The following ASTN2 variants were observed in gnomAD, a reference collection of about 807,000 sequenced individuals.
ASTN2 encodes astrotactin-2.
In ASTN2, 54 loss-of-function variants were observed where a neutral mutation model predicts 139.8. The observed-to-expected ratio is 0.39, with a 90% confidence interval of 0.31 to 0.48. ASTN2 has a LOEUF of 0.48. Among genes scored for constraint, ASTN2 ranks in the 20% least tolerant of loss-of-function variants. ASTN2 has a pLI of 0.95. For synonymous variants in ASTN2, 756 were observed against 719.5 expected (o/e 1.05, Z -0.81); for missense variants, 1,565 against 1,725.1 (o/e 0.91, Z 1.64).
At chr9:116,735,613 A>T (rs1401954557) in intron 13 of ASTN2, among the ~76,000 whole-genome samples, 1 of 152,186 alleles carries the variant, frequency 6.6e-6, no homozygotes, top group African/African-American at 2.4e-5. Flanking sequence ...CCTAGTGGGG[A>T]AAACACAAAA....
intron 4 of ASTN2, among the ~76,000 whole-genome samples, chr9:117,123,230 A>T (rs1378175522): frequency 6.6e-6 from 1 of 151,874 alleles, no homozygotes; most frequent in Non-Finnish European, 1.5e-5. Context: ...TCTGAGAATC[A>T]CTGTCCCAGA....
intron 16 of ASTN2, among the ~76,000 whole-genome samples, chr9:116,670,570 T>C (rs760682761): frequency 9.2e-5 from 14 of 152,202 alleles, no homozygotes; most frequent in African/African-American, 2.6e-4. Flanking sequence ...AGGGGTTGGG[T>C]AAAGGAGACT....
At chr9:116,512,250 T>A (rs576882279) in intron 19 of ASTN2, among the ~76,000 whole-genome samples, 75 of 152,370 alleles carry the variant, frequency 4.9e-4, no homozygotes, top group Non-Finnish European at 4.9e-4. Flanking sequence ...TGCCTTCATT[T>A]CGTTATGTAC....
intron 16 of ASTN2, among the ~76,000 whole-genome samples, chr9:116,701,811 T>C (rs1420570952): frequency 1.3e-5 from 2 of 152,278 alleles, no homozygotes; most frequent in African/African-American, 4.8e-5. Context: ...TTTAATTATC[T>C]GCTGTGTTGA....
chr9:117,178,316 C>T (rs571193208), intron 3 of ASTN2, among the ~76,000 whole-genome samples: 80 of 152,296 alleles, frequency 5.3e-4, no homozygotes, highest in African/African-American at 1.9e-3. Context: ...ACCTGAAAGG[C>T]ACCCAGCAGA....
rs935534005 is a variant in ASTN2 at position 117,275,048 on chromosome 9, A to G, written c.630+16278T>C. ...AAATGAGTATATTCTTACACATTTC[A>G]TCTGTGAATAATCATTAACCACCAA... On this transcript the variant is annotated intron_variant, in intron 2 of 22. Transcript: ENST00000313400. Among the ~76,000 whole-genome samples, 4 of 152,220 alleles carry G rather than the reference A, an allele frequency of 2.6e-5. 1 individual carries two copies. In the South Asian group the frequency reaches 6.2e-4, roughly 24 times the overall value.
At chr9:116,950,756 G>T (rs1835534374) in intron 10 of ASTN2, among the ~76,000 whole-genome samples, 1 of 152,060 alleles carries the variant, frequency 6.6e-6, no homozygotes, top group South Asian at 2.1e-4. Flanking sequence ...GGAAAATTAG[G>T]TTACTAATAT....
At chr9:116,608,608 G>T (rs56961479) in intron 19 of ASTN2, among the ~76,000 whole-genome samples, 22,138 of 149,860 alleles carry the variant, frequency 0.15, 1,806 homozygotes, top group Middle Eastern at 0.19. Context: ...TTGAACAAAA[G>T]AGTTTGAACA....
intron 2 of ASTN2, among the ~76,000 whole-genome samples, chr9:117,216,230 G>T (rs1294126468): frequency 6.6e-6 from 1 of 152,196 alleles, no homozygotes; most frequent in Non-Finnish European, 1.5e-5. Context: ...CAGCCATCCT[G>T]CTGACTGTAT....
At chr9:117,007,786 C>G (rs1294186346) in intron 7 of ASTN2, among the ~76,000 whole-genome samples, 5 of 151,968 alleles carry the variant, frequency 3.3e-5, no homozygotes, top group Admixed American at 6.6e-5. Flanking sequence ...GATCACCCAG[C>G]TAGTACCAAG....
At chr9:117,317,182 C>A (rs1211302882) in intron 1 of ASTN2, among the ~76,000 whole-genome samples, 1 of 152,094 alleles carries the variant, frequency 6.6e-6, no homozygotes, top group Non-Finnish European at 1.5e-5. Flanking sequence ...TCCCATTTTC[C>A]TCAGGAGGCT....
chr9:117,063,526 C>G (rs1178541044), intron 5 of ASTN2, among the ~76,000 whole-genome samples: 1 of 152,210 alleles, frequency 6.6e-6, no homozygotes, highest in Non-Finnish European at 1.5e-5. Flanking sequence ...TCCACCATGA[C>G]TGTGAGGCCT....
intron 6 of ASTN2, among the ~76,000 whole-genome samples, chr9:117,009,090 C>T (rs575735147): frequency 2.0e-5 from 3 of 152,178 alleles, no homozygotes; most frequent in African/African-American, 7.2e-5. Context: ...TAAAATGGAG[C>T]AGCTATGACT....
At chr9:116,687,006 T>G in intron 16 of ASTN2, 1 of 1,411,008 alleles carries the variant, frequency 7.1e-7, no homozygotes, top group Non-Finnish European at 9.2e-7. Context: ...TACCGTTTTG[T>G]GAAGGGGTAG....
intron 2 of ASTN2, among the ~76,000 whole-genome samples, chr9:117,218,695 A>G (rs961888446): frequency 2.0e-5 from 3 of 152,212 alleles, no homozygotes; most frequent in Non-Finnish European, 4.4e-5. Context: ...GCTTGCTCCT[A>G]TGGACCTTCA....
At chr9:116,790,154 G>A (rs1830492511) in intron 13 of ASTN2, among the ~76,000 whole-genome samples, 1 of 151,982 alleles carries the variant, frequency 6.6e-6, no homozygotes, top group Non-Finnish European at 1.5e-5. Flanking sequence ...TTGAACTCCT[G>A]ACCTCAGATG....
chr9:116,632,190 G>GAGAGAGAGAGAA (rs1856802935), intron 17 of ASTN2, among the ~76,000 whole-genome samples: 2 of 12,460 alleles, frequency 1.6e-4, no homozygotes, highest in Non-Finnish European at 3.1e-4. Flanking sequence ...GAGAGGGAGA[G>GAGAGAGAGAGAA]AGAGAGAAAG....
intron 7 of ASTN2, among the ~76,000 whole-genome samples, chr9:116,978,495 G>GCGCGCACA (rs762311934): frequency 7.8e-6 from 1 of 127,644 alleles, no homozygotes; most frequent in Non-Finnish European, 1.7e-5. Flanking sequence ...TCTCTCTCAC[G>GCGCGCACA]CACACACACA....
intron 11 of ASTN2, among the ~76,000 whole-genome samples, chr9:116,845,896 A>G (rs1832415329): frequency 6.6e-6 from 1 of 152,248 alleles, no homozygotes; most frequent in Non-Finnish European, 1.5e-5. Context: ...CCCTGAAAAT[A>G]AAATCCTAAA....
Sources: gnomAD v4.1 joint callset for allele counts (sites outside exome capture counted in the v4.1 genomes callset) on GRCh38, gnomAD v4.1.1 for gene constraint, MANE v1.5 for transcripts, NCBI Gene and HGNC (gene_info 2026-07-23, HGNC 2026-07-21) for gene names.